SRPRB: variants seen among roughly 807,000 people sequenced by gnomAD.
SRPRB encodes the protein signal recognition particle receptor subunit beta.
SRPRB carries 20 observed loss-of-function variants against 31.9 expected under a neutral mutation model. The ratio of observed to expected loss-of-function variants is 0.63; its 90% confidence interval spans 0.44 to 0.91. The LOEUF is 0.91. SRPRB is among the 40% of genes least tolerant of loss of function. The pLI is 0.00. For synonymous variants in SRPRB, 146 were observed against 132.8 expected, an observed-to-expected ratio of 1.10 and a Z score of -0.68; for missense variants, 321 against 324.9, an observed-to-expected ratio of 0.99 and a Z score of 0.09.
Position 133,813,828 on chromosome 3 carries a change from G to A in SRPRB, c.411-1762G>A, listed in dbSNP as rs1423960902. Among the ~76,000 whole-genome samples, 3 of 152,206 alleles carry A rather than the reference G, an allele frequency of 2.0e-5. No homozygotes were observed. In the East Asian group the frequency reaches 5.8e-4, roughly 29 times the overall value. The stretch of plus-strand genomic sequence containing the variant: ...GATATGAAAGCCTTGCTCCATAAGC[G>A]GTTCATAGTTCCTTCTGTTGGGGCC... On this transcript the variant is annotated intron_variant, in intron 4 of 6. Transcript: ENST00000678299.
At chr3:133,789,878 C>CAT (rs1559884865) in intron 1 of SRPRB, 2 of 52,440 alleles carry the variant, frequency 3.8e-5, no homozygotes, top group East Asian at 9.3e-4. Context: ...ATCTCGTTTG[C>CAT]GTTTTTTTTT....
downstream of SRPRB, chr3:133,827,746 A>AGCC: frequency 1.4e-5 from 1 of 72,114 alleles, no homozygotes; most frequent in Non-Finnish European, 2.7e-5. Context: ...TGCAGACAAC[A>AGCC]CCCCCCCCCC....
At chr3:133,804,598 T>C (rs1038986514), upstream of SRPRB, among the ~76,000 whole-genome samples, 47 of 152,154 alleles carry the variant, frequency 3.1e-4, no homozygotes, top group African/African-American at 1.0e-3. Context: ...TTTTTTTGTG[T>C]GTAAGGTTGC....
downstream of SRPRB, chr3:133,825,376 T>C (rs1389326194): frequency 2.0e-5 from 3 of 152,262 alleles, no homozygotes; most frequent in Non-Finnish European, 4.4e-5. Context: ...ATTTCAATCC[T>C]TGTTTCTGTT....
intron 4 of SRPRB, among the ~76,000 whole-genome samples, chr3:133,812,610 C>T (rs1334498099): frequency 3.3e-5 from 5 of 152,166 alleles, no homozygotes; most frequent in South Asian, 2.1e-4. Context: ...TTTCTGGCTT[C>T]GCCAAGTTTC....
intron 1 of SRPRB, chr3:133,784,647 G>C (rs956015801): frequency 6.6e-6 from 1 of 151,982 alleles, no homozygotes; most frequent in Non-Finnish European, 1.5e-5. Context: ...TAGGTTGCAC[G>C]CTCCTTATGA....
At chr3:133,817,014 G>T (rs1449222822) in intron 6 of SRPRB, 82 bp downstream of exon 6, 5 of 1,099,640 alleles carry the variant, frequency 4.5e-6, no homozygotes, top group Non-Finnish European at 5.2e-6. Flanking sequence ...TCTTTTGTTT[G>T]GTTTTATGTG....
chr3:133,817,496 A>T (rs1228604080), intron 6 of SRPRB, among the ~76,000 whole-genome samples: 1 of 152,178 alleles, frequency 6.6e-6, no homozygotes, highest in Non-Finnish European at 1.5e-5. Context: ...AATATTATAT[A>T]TCCTGCTTTG....
At chr3:133,805,062 G>A (rs868154510), upstream of SRPRB, among the ~76,000 whole-genome samples, 1 of 152,104 alleles carries the variant, frequency 6.6e-6, no homozygotes, top group Admixed American at 6.5e-5. Context: ...TGGAAGAACC[G>A]GCCACCCAGG....
At position 133,816,924 on chromosome 3, in the gene SRPRB, G is replaced by C. The variant is rs550593248; in HGVS notation, c.594G>C (p.Glu198Asp). 1.3e-5 allele frequency: 21 copies of C among 1,610,968 alleles called. No homozygotes were observed. Among genetic ancestry groups the C allele is most frequent in the Non-Finnish European group, 1.7e-5 (20 of 1,178,542 alleles). The change falls in exon 6 of 7, where the codon GAG (glutamate) becomes GAC (aspartate). Residue 198 changes from glutamate (E) to aspartate (D), a missense_variant. Transcript: ENST00000678299. ...KSAKLIQQQLEKELNTLRVTR... is the reference protein window; with the variant it reads ...KSAKLIQQQLDKELNTLRVTR... ...CAAAGTTAATTCAACAGCAGCTGGA[G>C]AAAGAACTGTAAGTGTGAAAGAGGC...
upstream of SRPRB, chr3:133,805,667 G>T (rs146689459): frequency 3.1e-6 from 2 of 643,016 alleles, no homozygotes; most frequent in Non-Finnish European, 4.8e-6. Context: ...TGCCCCTATC[G>T]TTCTGTAGGA....
chr3:133,784,486 T>TAAC, intron 1 of SRPRB: 1 of 129,974 alleles, frequency 7.7e-6, no homozygotes, highest in African/African-American at 2.8e-5. Flanking sequence ...ATAATAATAA[T>TAAC]AATAATAATA....
chr3:133,797,986 G>A (rs1400551839), intron 1 of SRPRB, among the ~76,000 whole-genome samples: 1 of 152,180 alleles, frequency 6.6e-6, no homozygotes, highest in South Asian at 2.1e-4. Flanking sequence ...GTATCCAGAA[G>A]ATAGTGTGAG....
At chr3:133,798,991 C>G (rs1935021194) in intron 1 of SRPRB, among the ~76,000 whole-genome samples, 5 of 151,636 alleles carry the variant, frequency 3.3e-5, no homozygotes. Context: ...AAATTTGAAG[C>G]AACTCACTCA....
chr3:133,826,757 C>G (rs771214822), downstream of SRPRB: 6 of 152,620 alleles, frequency 3.9e-5, no homozygotes, highest in Non-Finnish European at 7.3e-5. Context: ...AAGACAATCA[C>G]AAGTTATTTG....
chr3:133,816,848 A>G (rs768074963), intron 5 of SRPRB, 30 bp from the exon 6 acceptor site: 3 of 1,585,706 alleles, frequency 1.9e-6, no homozygotes, highest in South Asian at 2.3e-5. Flanking sequence ...TTCTCGTTTA[A>G]ACTACAACAG....
intron 1 of SRPRB, among the ~76,000 whole-genome samples, chr3:133,800,309 A>C (rs984808032): frequency 1.3e-5 from 2 of 152,266 alleles, no homozygotes; most frequent in African/African-American, 2.4e-5. Flanking sequence ...TACACCTGAA[A>C]AATGAATGAT....
chr3:133,816,810 G>A, intron 5 of SRPRB, 68 bp from the exon 6 acceptor site: 6 of 1,289,178 alleles, frequency 4.7e-6, no homozygotes, highest in Non-Finnish European at 5.4e-6. Flanking sequence ...TTTTCCTTCT[G>A]TGTAAGAAGT....
chr3:133,804,197 C>A (rs1935109359), upstream of SRPRB, among the ~76,000 whole-genome samples: 1 of 151,778 alleles, frequency 6.6e-6, no homozygotes, highest in African/African-American at 2.4e-5. Flanking sequence ...CTCAAGCAAT[C>A]CTCCTGCCTT....
Sources: gnomAD v4.1 joint callset for allele counts (sites outside exome capture counted in the v4.1 genomes callset) on GRCh38, gnomAD v4.1.1 for gene constraint, MANE v1.5 for transcripts, NCBI Gene and HGNC (gene_info 2026-07-23, HGNC 2026-07-21) for gene names.